Variants in PLXNB2 observed in about 807,000 individuals in gnomAD.
The protein encoded by PLXNB2 is plexin B2.
A neutral mutation model predicts 202.6 loss-of-function variants in PLXNB2; 85 were observed. The observed-to-expected ratio is 0.42, with a 90% CI of 0.35 to 0.50. The LOEUF is 0.50. Among genes scored for constraint, PLXNB2 ranks in the 20% least tolerant of loss-of-function variants. The pLI is 0.02. For synonymous variants in PLXNB2, 1,239 were observed against 1,137.6 expected (o/e 1.09, Z -1.79); for missense variants, 2,063 against 2,586.2 (o/e 0.80, Z 4.39).
chr22:50,288,849 G>A lies in PLXNB2; in HGVS notation c.1274C>T (p.Thr425Ile), dbSNP rs777563259. Residue 425 changes from threonine (T) to isoleucine (I), a missense_variant, in exon 5 of 37, where the codon ACC becomes ATC. Around this residue, in one of 2 missense-constraint regions of PLXNB2, gnomAD observed 1,303 missense variants for 1,476.8 expected, o/e 0.88. Transcript: ENST00000359337. This position sits in a 1 kb window ranked among gnomAD's most constrained non-coding sequence, Gnocchi z 5.0. ...AAGGATAGAGTCGTACTCTGAGGAGGTGCCATCTGGGGTGAGGTACACCTG... is the reference window on the plus strand; with the variant it reads ...AAGGATAGAGTCGTACTCTGAGGAGATGCCATCTGGGGTGAGGTACACCTG... ...ILKVYLTPDG[T>I]SSEYDSILVE... 8 of 1,613,324 alleles carry A rather than the reference G, an allele frequency of 5.0e-6. No homozygotes were observed. The East Asian group carries it at 1.8e-4, about 36-fold the overall frequency.
intron 1 of PLXNB2, among the ~76,000 whole-genome samples, chr22:50,307,194 C>T (rs1410306375): frequency 6.6e-6 from 1 of 152,142 alleles, no homozygotes; most frequent in East Asian, 1.9e-4. Flanking sequence ...GAGCCTGGGG[C>T]CGGCCCGGAG....
At position 50,291,045 on chromosome 22, in the gene PLXNB2, A is replaced by G. The variant is rs1443262165; in HGVS notation, c.-13-448T>C. The stretch of plus-strand genomic sequence containing the variant: ...GACAGACAGACCCCTGGACGTTGGA[A>G]CAGGTGGCTCACCCATGGGGCAGAG... On this transcript the variant is annotated intron_variant, in intron 2 of 36. Coordinates refer to ENST00000359337, the MANE Select transcript of PLXNB2 (RefSeq NM_012401.4). This position sits in a 1 kb window ranked among gnomAD's most constrained non-coding sequence, Gnocchi z 4.3. 6.6e-6 allele frequency among the ~76,000 whole-genome samples: 1 copy of G among 152,182 alleles called. No individual in the cohort carries two copies. Among genetic ancestry groups the G allele is most frequent in the Non-Finnish European group, 1.5e-5 (1 of 68,022 alleles).
At chr22:50,295,272 G>A (rs2067178119) in intron 1 of PLXNB2, among the ~76,000 whole-genome samples, 1 of 139,502 alleles carries the variant, frequency 7.2e-6, no homozygotes, top group South Asian at 2.3e-4. Context: ...AGTGAGCGGA[G>A]ATCGCACCAC....
In PLXNB2 at chr22:50,281,962, A is replaced by T; in HGVS notation, c.3237T>A (p.Arg1079=). The part of the protein sequence containing the change: ...LTVLIEMDGH[R]ALLRTEAGAF... ...CCCCGGCCTCTGTTCTGAGCAGGGC[A>T]CGGTGCCCGTCCATCTCGATCAGCA... The change falls in exon 20 of 37, where the codon CGT becomes CGA. Residue 1079 remains arginine (R), a synonymous_variant. Coordinates refer to ENST00000359337, the MANE Select transcript of PLXNB2 (RefSeq NM_012401.4). The T allele has an allele frequency of 6.2e-7, 1 of 1,613,112 alleles. No homozygotes were observed. The highest frequency in any genetic ancestry group is 1.1e-5 in the South Asian group (1 of 91,080).
intron 1 of PLXNB2, among the ~76,000 whole-genome samples, chr22:50,296,664 A>T (rs1474273195): frequency 6.6e-6 from 1 of 151,546 alleles, no homozygotes; most frequent in African/African-American, 2.4e-5. Flanking sequence ...CTGCCTCAAG[A>T]TGTGACTCTC....
chr22:50,293,802 G>A (rs373740620), intron 2 of PLXNB2, among the ~76,000 whole-genome samples: 6 of 152,176 alleles, frequency 3.9e-5, no homozygotes, highest in African/African-American at 7.2e-5. Flanking sequence ...TCACCCACCC[G>A]CCAGGGCTGT....
rs754956581 is a variant in PLXNB2 at position 50,280,001 on chromosome 22, C to A, written c.4242+4G>T. ...AGCCCCAGCCAGGCTGGGGTGGAACCCACCTTGAGGTACTGGTACAGGCAG... is the reference window on the plus strand; with the variant it reads ...AGCCCCAGCCAGGCTGGGGTGGAACACACCTTGAGGTACTGGTACAGGCAG... On this transcript the variant is annotated splice_donor_region_variant and intron_variant, in intron 26 of 36. Coordinates refer to ENST00000359337, the MANE Select transcript of PLXNB2 (RefSeq NM_012401.4). 5 of 1,601,708 alleles carry A rather than the reference C, an allele frequency of 3.1e-6. No individual in the cohort carries two copies. The Admixed American group carries it at 8.6e-5, about 27-fold the overall frequency.
At position 50,279,703 on chromosome 22, in the gene PLXNB2, G is replaced by C; in HGVS notation, c.4316C>G (p.Ala1439Gly). 1 of 1,613,718 alleles carries C rather than the reference G, an allele frequency of 6.2e-7. No individual in the cohort carries two copies. The highest frequency in any genetic ancestry group is 1.1e-5 in the South Asian group (1 of 91,070). Residue 1439 changes from alanine (A) to glycine (G), a missense_variant, in exon 27 of 37, where the codon GCG (alanine) becomes GGG (glycine). Ala to Gly is a moderately conservative substitution (Grantham distance 60, BLOSUM62 0). Transcript: ENST00000359337. ...AGTGTACTTGGCCTTCTTCTGTACC[G>C]CATCCACCGGGCCCTTTTCCACCTG... ...KHQVEKGPVD[A>G]VQKKAKYTLN...
In PLXNB2 at chr22:50,281,463, C is replaced by A; in HGVS notation, c.3559G>T (p.Val1187Leu). The change falls in exon 22 of 37, where the codon GTG becomes TTG. Residue 1187 changes from valine to leucine, a missense_variant. Val to Leu is a conservative substitution (Grantham distance 32, BLOSUM62 1). Transcript: ENST00000359337. The part of the protein sequence containing the change: ...FGSREWVLGR[V>L]EYDTRVSDVP... The stretch of plus-strand genomic sequence containing the variant: ...TCGCTCACCCGTGTGTCGTACTCCA[C>A]GCGGCCCAGCACCCACTCGCGAGAG... 6.2e-7 allele frequency: 1 copy of A among 1,612,398 alleles called. No homozygotes were observed. The highest frequency in any genetic ancestry group is 8.5e-7 in the Non-Finnish European group (1 of 1,179,810).
rs202060686 is a variant in PLXNB2, at chr22:50,285,780, C to T, written c.2088+20G>A. On this transcript the variant is annotated intron_variant, in intron 11 of 36. Transcript: ENST00000359337. ...GCACCTGAGCCTGCCTGTCACCAGCCGGCACCCCTCCCTCCGCACCTTCAC... is the reference window on the plus strand; with the variant it reads ...GCACCTGAGCCTGCCTGTCACCAGCTGGCACCCCTCCCTCCGCACCTTCAC... 13 of 1,582,206 alleles carry T rather than the reference C, an allele frequency of 8.2e-6. No individual in the cohort carries two copies. The highest frequency in any genetic ancestry group is 1.7e-5 in the Admixed American group (1 of 59,968).
rs372088648 is a variant in PLXNB2 at position 50,288,413 on chromosome 22, G to A, written c.1380+330C>T. On this transcript the variant is annotated intron_variant, in intron 5 of 36. Transcript: ENST00000359337. The surrounding 1 kb of genome is among the most constrained non-coding windows in gnomAD (Gnocchi z 5.0). ...CTCACATGGGCTGTGCAGGGACCCC[G>A]TCTTCCCATCCACCCTCAGCAACAC... Among the ~76,000 whole-genome samples, 78 of 152,234 alleles carry A rather than the reference G, an allele frequency of 5.1e-4. No individual in the cohort carries two copies. Among genetic ancestry groups the A allele is most frequent in the African/African-American group, 1.7e-3 (71 of 41,542 alleles).
rs779295112 is a variant in PLXNB2, at chr22:50,281,331, G to T, written c.3662+29C>A. On this transcript the variant is annotated intron_variant, in intron 22 of 36. Transcript: ENST00000359337. ...GAGGCGGGAGGGCCGAGGGCTCAGG[G>T]TGTTGGCACAGCCGGGGGGCGGGCT... The T allele has an allele frequency of 5.6e-6, 9 of 1,609,602 alleles. No homozygotes were observed. In the African/African-American group the frequency reaches 1.2e-4, roughly 21 times the overall value.
intron 24 of PLXNB2, 30 bp downstream of exon 24, chr22:50,280,714 G>GGCCCACCCC: frequency 2.6e-6 from 4 of 1,528,906 alleles, no homozygotes; most frequent in South Asian, 1.2e-5. Flanking sequence ...CCACCTGTGT[G>GGCCCACCCC]CCCTCCCGCC....
Position 50,282,748 on chromosome 22 carries a change from CG to C in PLXNB2, c.2949del (p.Val984TyrfsTer27). 6.2e-7 allele frequency: 1 copy of C among 1,611,270 alleles called. No individual in the cohort carries two copies. Among genetic ancestry groups the C allele is most frequent in the Non-Finnish European group, 8.5e-7 (1 of 1,178,950 alleles). The stretch of plus-strand genomic sequence containing the variant: ...CGTAGCGGCTCGAAGGCTCGCAGTA[CG>C]GGGTTTTCGCGGTAGGTGAAGAAGA... The part of the protein sequence containing the change: ...PGIFFTYREN[P>X]VLRAFEPLRS... On this transcript the variant is annotated frameshift_variant, in exon 18 of 37. Coordinates refer to ENST00000359337, the MANE Select transcript of PLXNB2 (RefSeq NM_012401.4). LOFTEE classifies it high-confidence loss of function.
chr22:50,287,376 A>G (rs2066532933), intron 7 of PLXNB2, 112 bp from the exon 8 acceptor site: 2 of 1,221,976 alleles, frequency 1.6e-6, no homozygotes, highest in Non-Finnish European at 2.2e-6. Context: ...GAGCCTCCAG[A>G]ACCCGACTCC....
rs112852031 is a variant in PLXNB2, at chr22:50,284,216, G to A, written c.2182-3C>T. The A allele has an allele frequency of 3.1e-6, 5 of 1,612,490 alleles. No homozygotes were observed. Among genetic ancestry groups the A allele is most frequent in the East Asian group, 2.2e-5 (1 of 44,854 alleles). On this transcript the variant is annotated splice_polypyrimidine_tract_variant and splice_region_variant and intron_variant, in intron 12 of 36. Transcript: ENST00000359337. This position sits in a 1 kb window ranked among gnomAD's most constrained non-coding sequence, Gnocchi z 8.0. ...GTCTCGTTGGCATCGTGGGACAGCT[G>A]GGGGACACGCAGGGGCACACTGCAC...
At position 50,279,768 on chromosome 22, in the gene PLXNB2, G is replaced by A. The variant is rs546497649; in HGVS notation, c.4251C>T (p.Ala1417=). ...TGAAGAGCTTGTACAGGGGCTCCCC[G>A]GCACTGTCCTGGAGTAACACGGAGG... ...ICLYQYLKDS[A]GEPLYKLFKA... is the part of the protein sequence containing the mutation. Residue 1417 remains alanine, a synonymous_variant, in exon 27 of 37, where the codon GCC becomes GCT. Transcript: ENST00000359337. The A allele has an allele frequency of 2.5e-5, 41 of 1,613,720 alleles. No homozygotes were observed. Among genetic ancestry groups the A allele is most frequent in the South Asian group, 3.3e-5 (3 of 91,080 alleles).
intron 7 of PLXNB2, among the ~76,000 whole-genome samples, 181 bp from the exon 8 acceptor site, chr22:50,287,445 A>ATAT (rs2066540155): frequency 6.6e-6 from 1 of 152,062 alleles, no homozygotes; most frequent in Non-Finnish European, 1.5e-5. Flanking sequence ...ACAGGGCCTG[A>ATAT]GTCCACCCTG....
chr22:50,300,521 C>T (rs1457569438), intron 1 of PLXNB2, among the ~76,000 whole-genome samples: 1 of 152,214 alleles, frequency 6.6e-6, no homozygotes, highest in African/African-American at 2.4e-5. Context: ...CGAACGCTCC[C>T]GGCACAACCC....
Sources: allele counts gnomAD v4.1 joint callset (sites outside exome capture counted in the v4.1 genomes callset), GRCh38; gene constraint gnomAD v4.1.1; regional missense constraint gnomAD v4.1.1; non-coding constraint Gnocchi (gnomAD v3.1); transcripts MANE v1.5; gene names NCBI Gene and HGNC (gene_info 2026-07-23, HGNC 2026-07-21).